Variants in STIL observed in about 807,000 individuals in gnomAD.
STIL encodes the protein SCL-interrupting locus protein.
STIL carries 55 observed loss-of-function variants against 110.1 expected under a neutral mutation model. That is an observed-to-expected ratio of 0.50 (90% CI 0.40 to 0.63). The LOEUF is 0.63. Ranked by LOEUF, STIL falls within the 20% of genes least tolerant of loss-of-function variation. The pLI is 0.00. For synonymous variants in STIL, 481 were observed against 530.0 expected (o/e 0.91, Z 1.27); for missense variants, 1,358 against 1,530.0 (o/e 0.89, Z 1.87).
At chr1:47,314,260 C>G (rs1368657876), upstream of STIL, 1 of 152,254 alleles carries the variant, frequency 6.6e-6, no homozygotes, top group African/African-American at 2.4e-5. Context: ...GCACGGTCGC[C>G]GTTACGTATT....
At chr1:47,278,850 G>T (rs1645065088) in intron 12 of STIL, among the ~76,000 whole-genome samples, 1 of 151,408 alleles carries the variant, frequency 6.6e-6, no homozygotes, top group South Asian at 2.1e-4. Flanking sequence ...CAATTTCAAA[G>T]AATTTACCTA....
At chr1:47,259,017 T>G (rs1343965141) in intron 16 of STIL, among the ~76,000 whole-genome samples, 2 of 143,122 alleles carry the variant, frequency 1.4e-5, no homozygotes, top group Middle Eastern at 3.5e-3. Flanking sequence ...GAGACAGTCT[T>G]GCTTTGCTAT....
In STIL at chr1:47,281,075, G is replaced by A; in HGVS notation, c.1383C>T (p.His461=). Residue 461 remains histidine (H), a synonymous_variant, in exon 12 of 17, where the codon CAC becomes CAT. Transcript: ENST00000371877. ...AAAGCTGGGGTTGCAATGGCTTCAA[G>A]TGTTCCAAGTGGTTAATCAAAGGAG... is the stretch of plus-strand genomic sequence containing the variant. ...ENPPLINHLE[H]LKPLQPQLYD... The A allele has an allele frequency of 6.2e-7, 1 of 1,614,140 alleles. No individual in the cohort carries two copies. Among genetic ancestry groups the A allele is most frequent in the Non-Finnish European group, 8.5e-7 (1 of 1,180,028 alleles).
In STIL at chr1:47,263,008, A is replaced by G. The variant is rs905836365; in HGVS notation, c.2724T>C (p.Gly908=). 1 of 1,613,808 alleles carries G rather than the reference A, an allele frequency of 6.2e-7. No individual in the cohort carries two copies. Among genetic ancestry groups the G allele is most frequent in the Non-Finnish European group, 8.5e-7 (1 of 1,179,980 alleles). Residue 908 remains glycine, a synonymous_variant, in exon 15 of 17, where the codon GGT becomes GGC. Coordinates refer to ENST00000371877, the MANE Select transcript of STIL (RefSeq NM_001048166.1). ...SMCLQTGPTG[G]ASNNSETSEE... ...CTGATGTTTCAGAATTGTTACTGGC[A>G]CCCCCTGTTGGTCCAGTCTGTAAAC...
chr1:47,309,617 A>T (rs1646064322), intron 2 of STIL, among the ~76,000 whole-genome samples: 1 of 152,210 alleles, frequency 6.6e-6, no homozygotes, highest in Non-Finnish European at 1.5e-5. Flanking sequence ...AAGAAAAAAA[A>T]ATTCACATGT....
intron 16 of STIL, among the ~76,000 whole-genome samples, chr1:47,259,309 T>C (rs1426695770): frequency 3.3e-5 from 3 of 91,770 alleles, no homozygotes; most frequent in Non-Finnish European, 4.6e-5. Flanking sequence ...TTTTTTTGAC[T>C]GAGTCTTGCT....
At chr1:47,261,604 G>A (rs148825306) in intron 15 of STIL, among the ~76,000 whole-genome samples, 3,503 of 152,066 alleles carry the variant, frequency 0.023, 138 homozygotes, top group African/African-American at 0.079. Flanking sequence ...GCCGGGTGTG[G>A]TGGCGTGCAC....
intron 14 of STIL, among the ~76,000 whole-genome samples, chr1:47,268,084 A>G (rs921436651): frequency 1.3e-5 from 2 of 152,222 alleles, no homozygotes; most frequent in African/African-American, 2.4e-5. Context: ...ATAACATTTC[A>G]TATATAAATA....
chr1:47,297,430 A>G (rs1011980544), intron 6 of STIL, among the ~76,000 whole-genome samples: 1 of 152,162 alleles, frequency 6.6e-6, no homozygotes, highest in African/African-American at 2.4e-5. Context: ...AGCACTGTAT[A>G]TAAACCTCCA....
chr1:47,313,474 T>C (rs1049217860), intron 1 of STIL, among the ~76,000 whole-genome samples: 3 of 152,106 alleles, frequency 2.0e-5, no homozygotes, highest in Admixed American at 6.6e-5. Context: ...ACTGAACTAC[T>C]TGCAGTGCCC....
chr1:47,302,763 T>C (rs1645843257), intron 3 of STIL, among the ~76,000 whole-genome samples: 1 of 152,226 alleles, frequency 6.6e-6, no homozygotes, highest in South Asian at 2.1e-4. Flanking sequence ...TAACAAATCC[T>C]ATATATACTA....
intron 16 of STIL, among the ~76,000 whole-genome samples, chr1:47,253,311 A>G (rs1644239824): frequency 6.6e-6 from 1 of 152,044 alleles, no homozygotes; most frequent in African/African-American, 2.4e-5. Context: ...ACCGCGGTCT[A>G]TACATTGAAT....
At chr1:47,286,939 T>C (rs889609250) in intron 10 of STIL, among the ~76,000 whole-genome samples, 1 of 151,998 alleles carries the variant, frequency 6.6e-6, no homozygotes, top group African/African-American at 2.4e-5. Flanking sequence ...GCCAGGCTGG[T>C]CTCAAACTCC....
In STIL at chr1:47,302,299, C is replaced by T. The variant is rs373640812; in HGVS notation, c.200G>A (p.Arg67His). ...VTEKTIRLAY[R>H]HAKQNKKNSS... ...ATTTTTTTTATTCTGCTTAGCATGA[C>T]GATAAGCAAGTCGGATGGTCTTCTC... is the stretch of plus-strand genomic sequence containing the variant. Residue 67 changes from arginine to histidine, a missense_variant, in exon 4 of 17, where the codon CGT (arginine) becomes CAT (histidine). Transcript: ENST00000371877. 79 of 1,613,870 alleles carry T rather than the reference C, an allele frequency of 4.9e-5. No homozygotes were observed. In the East Asian group the frequency reaches 6.0e-4, roughly 12 times the overall value.
Position 47,251,228 on chromosome 1 carries a change from G to A in STIL, c.3775C>T (p.Pro1259Ser). 1 of 1,611,332 alleles carries A rather than the reference G, an allele frequency of 6.2e-7. No individual in the cohort carries two copies. The highest frequency in any genetic ancestry group is 8.5e-7 in the Non-Finnish European group (1 of 1,178,474). Reference sequence around the variant, plus strand: ...TTCATCTGCTTTAGCGTTTCAGAAGGTTGCAAACTTTCAGGAAAAATTGTA... The same window carrying A: ...TTCATCTGCTTTAGCGTTTCAGAAGATTGCAAACTTTCAGGAAAAATTGTA... ...DITIFPESLQ[P>S]SETLKQMNSM... Residue 1259 changes from proline to serine, a missense_variant, in exon 17 of 17, where the codon CCT becomes TCT. By Grantham distance (74) the Pro-to-Ser change is moderately conservative. Transcript: ENST00000371877.
At chr1:47,258,820 T>C (rs1570019341) in intron 16 of STIL, among the ~76,000 whole-genome samples, 1 of 151,982 alleles carries the variant, frequency 6.6e-6, no homozygotes, top group Non-Finnish European at 1.5e-5. Context: ...CAGTGAGCTG[T>C]GATCATGCCA....
In STIL at chr1:47,301,547, T is replaced by C. The variant is rs776739635; in HGVS notation, c.453+14A>G. The C allele has an allele frequency of 6.2e-7, 1 of 1,611,252 alleles. No individual in the cohort carries two copies. Among genetic ancestry groups the C allele is most frequent in the Admixed American group, 1.7e-5 (1 of 60,016 alleles). On this transcript the variant is annotated intron_variant, in intron 5 of 16. Transcript: ENST00000371877. The stretch of plus-strand genomic sequence containing the variant: ...TTGTGTTGAATTAACTATCAAGTTG[T>C]CAATGAATCGCACCTTTAAAGCTGA...
At chr1:47,276,884 A>G (rs1241952279) in intron 12 of STIL, among the ~76,000 whole-genome samples, 1 of 150,914 alleles carries the variant, frequency 6.6e-6, no homozygotes, top group African/African-American at 2.4e-5. Flanking sequence ...CTAATGTTGG[A>G]CATGTAGATG....
chr1:47,313,726 T>A (rs1205229809), intron 1 of STIL, among the ~76,000 whole-genome samples: 1 of 152,152 alleles, frequency 6.6e-6, no homozygotes, highest in East Asian at 1.9e-4. Flanking sequence ...CGTAGCAGAG[T>A]GTGAGCCAGA....
Sources: allele counts gnomAD v4.1 joint callset (sites outside exome capture counted in the v4.1 genomes callset), GRCh38; gene constraint gnomAD v4.1.1; transcripts MANE v1.5; gene names NCBI Gene and HGNC (gene_info 2026-07-23, HGNC 2026-07-21).